The following AGK variants were observed in gnomAD, a reference collection of about 807,000 sequenced individuals.
AGK encodes acylglycerol kinase, mitochondrial.
A neutral mutation model predicts 66.4 loss-of-function variants in AGK; 52 were observed. The observed-to-expected ratio is 0.78, with a 90% CI of 0.63 to 0.99. The LOEUF is 0.99. Ranked by LOEUF, AGK falls within the 50% of genes least tolerant of loss-of-function variation. The pLI is 0.00. For synonymous variants in AGK, 182 were observed against 181.1 expected, an observed-to-expected ratio of 1.00 and a Z score of -0.04; for missense variants, 451 against 506.6, an observed-to-expected ratio of 0.89 and a Z score of 1.05.
At chr7:141,610,902 A>C (rs2116954246) in intron 5 of AGK, among the ~76,000 whole-genome samples, 1 of 152,324 alleles carries the variant, frequency 6.6e-6, no homozygotes, top group Admixed American at 6.5e-5. Flanking sequence ...CTTGACTGGA[A>C]ATGATGCCCT....
At chr7:141,601,163 T>C (rs1164337877) in intron 4 of AGK, 42 bp from the exon 5 acceptor site, 2 of 1,446,512 alleles carry the variant, frequency 1.4e-6, no homozygotes, top group East Asian at 2.3e-5. Context: ...TTGCTCTTGA[T>C]AACCTGTGTT....
intron 7 of AGK, 72 bp downstream of exon 7, chr7:141,614,250 C>CTT: frequency 2.6e-6 from 3 of 1,165,586 alleles, no homozygotes; most frequent in South Asian, 1.5e-5. Context: ...CTTTCTTTTA[C>CTT]TTTTTTTTTC....
chr7:141,634,469 G>T (rs1273775221), intron 10 of AGK, among the ~76,000 whole-genome samples: 5 of 152,220 alleles, frequency 3.3e-5, no homozygotes, highest in Non-Finnish European at 7.3e-5. Context: ...GCGGCGCCTG[G>T]CTGTGCTGTG....
chr7:141,621,746 C>CCA lies in AGK; in HGVS notation c.537_538dup (p.Leu180HisfsTer5), dbSNP rs1325625387. On this transcript the variant is annotated frameshift_variant, in exon 9 of 16. Transcript: ENST00000649286. LOFTEE classifies it high-confidence loss of function. ...TTCTCTTTTAGACATATTACTGATG[C>CCA]CACACTTGCCATTGTGAAAGGAGAG... The CCA allele has an allele frequency of 6.2e-7, 1 of 1,612,844 alleles. No individual in the cohort carries two copies. Among genetic ancestry groups the CCA allele is most frequent in the Non-Finnish European group, 8.5e-7 (1 of 1,179,160 alleles).
Position 141,611,291 on chromosome 7 carries a change from T to A in AGK, c.390+4T>A, listed in dbSNP as rs760073334. 1.1e-5 allele frequency: 17 copies of A among 1,603,098 alleles called. No homozygotes were observed. The highest frequency in any genetic ancestry group is 1.4e-5 in the Non-Finnish European group (16 of 1,172,756). ...AGGAGATGGGACACTGCAGGAGGTATGACTGTTTTTCTCTTTGAAGCTATT... is the reference window on the plus strand; with the variant it reads ...AGGAGATGGGACACTGCAGGAGGTAAGACTGTTTTTCTCTTTGAAGCTATT... On this transcript the variant is annotated splice_donor_region_variant and intron_variant, in intron 6 of 15. Transcript: ENST00000649286.
chr7:141,557,440 T>C (rs1795234081), intron 2 of AGK, among the ~76,000 whole-genome samples: 1 of 152,232 alleles, frequency 6.6e-6, no homozygotes, highest in South Asian at 2.1e-4. Context: ...TCAAGGCCCC[T>C]TTGCTGGAGC....
intron 1 of AGK, among the ~76,000 whole-genome samples, chr7:141,552,811 T>C (rs1462019760): frequency 1.3e-5 from 2 of 152,184 alleles, no homozygotes; most frequent in African/African-American, 2.4e-5. Flanking sequence ...CCCTTATCTT[T>C]GAAGACACAG....
In AGK at chr7:141,581,954, A is replaced by G. The variant is rs1795889390; in HGVS notation, c.102-11192A>G. On this transcript the variant is annotated intron_variant, in intron 2 of 15. Transcript: ENST00000649286. ...GGGGCAAGGGAAACATGCCCTTGAAAAGAAGGTAATGTGGAGTGGGTAGCC... is the reference window on the plus strand; with the variant it reads ...GGGGCAAGGGAAACATGCCCTTGAAGAGAAGGTAATGTGGAGTGGGTAGCC... Among the ~76,000 whole-genome samples, 3 of 152,108 alleles carry G rather than the reference A, an allele frequency of 2.0e-5. No homozygotes were observed. In the South Asian group the frequency reaches 6.2e-4, roughly 32 times the overall value.
At chr7:141,561,254 A>G (rs2116856521) in intron 2 of AGK, among the ~76,000 whole-genome samples, 1 of 152,330 alleles carries the variant, frequency 6.6e-6, no homozygotes, top group South Asian at 2.1e-4. Flanking sequence ...TCTTTTTCAT[A>G]TAATGACTTA....
chr7:141,636,906 A>G, intron 10 of AGK, 54 bp from the exon 11 acceptor site: 1 of 1,428,308 alleles, frequency 7.0e-7, no homozygotes, highest in East Asian at 2.3e-5. Context: ...GGTATCTATC[A>G]CATGATAGTT....
At chr7:141,572,317 G>A (rs903022452) in intron 2 of AGK, among the ~76,000 whole-genome samples, 2 of 152,236 alleles carry the variant, frequency 1.3e-5, no homozygotes, top group Non-Finnish European at 2.9e-5. Context: ...GCCTAAACCA[G>A]AGTGATGGCA....
intron 13 of AGK, among the ~76,000 whole-genome samples, chr7:141,642,404 T>C (rs1344712862): frequency 6.6e-6 from 1 of 152,246 alleles, no homozygotes; most frequent in East Asian, 1.9e-4. Context: ...TAGCCACATG[T>C]GGCTAGTTAA....
intron 3 of AGK, among the ~76,000 whole-genome samples, chr7:141,596,023 A>G (rs765588645): frequency 1.3e-5 from 2 of 152,204 alleles, no homozygotes; most frequent in Non-Finnish European, 2.9e-5. Flanking sequence ...CTTGGTATAT[A>G]TTAGTTATGT....
chr7:141,619,177 G>A (rs367868869), intron 8 of AGK, among the ~76,000 whole-genome samples: 12 of 152,134 alleles, frequency 7.9e-5, no homozygotes, highest in African/African-American at 2.9e-4. Context: ...AAGGCTTTTT[G>A]TAGAAATTGA....
intron 13 of AGK, chr7:141,649,006 C>G (rs139315875): frequency 5.9e-6 from 2 of 341,360 alleles, no homozygotes; most frequent in African/African-American, 2.2e-5. Context: ...ACCTCCCACT[C>G]TGAGTTTTGT....
chr7:141,623,816 A>C (rs1406410766), intron 9 of AGK, among the ~76,000 whole-genome samples: 1 of 152,200 alleles, frequency 6.6e-6, no homozygotes, highest in Non-Finnish European at 1.5e-5. Flanking sequence ...ATAGCTAGAG[A>C]CGGGAAGTCA....
At chr7:141,576,195 A>G (rs1270070925) in intron 2 of AGK, among the ~76,000 whole-genome samples, 1 of 152,200 alleles carries the variant, frequency 6.6e-6, no homozygotes, top group Non-Finnish European at 1.5e-5. Flanking sequence ...CACCAAAGAA[A>G]TAGCACTGGA....
chr7:141,584,755 A>C (rs1277912131), intron 2 of AGK, among the ~76,000 whole-genome samples: 2 of 152,224 alleles, frequency 1.3e-5, no homozygotes, highest in East Asian at 3.8e-4. Context: ...TTCTTTTGCT[A>C]AACTTTTCAC....
At chr7:141,616,845 G>T (rs1016714582) in intron 8 of AGK, among the ~76,000 whole-genome samples, 1 of 150,158 alleles carries the variant, frequency 6.7e-6, no homozygotes, top group Non-Finnish European at 1.5e-5. Context: ...TGCAAGCTCC[G>T]TCTCCCAGGT....
Sources: gnomAD v4.1 joint callset for allele counts (sites outside exome capture counted in the v4.1 genomes callset) on GRCh38, gnomAD v4.1.1 for gene constraint, MANE v1.5 for transcripts, NCBI Gene and HGNC (gene_info 2026-07-23, HGNC 2026-07-21) for gene names.